Variants in PMS1 observed in about 807,000 individuals in gnomAD.
The protein encoded by PMS1 is PMS1 protein homolog 1.
PMS1 carries 79 observed loss-of-function variants against 93.1 expected under a neutral mutation model. The observed-to-expected ratio is 0.85, with a 90% CI of 0.71 to 1.02. PMS1 has a LOEUF of 1.02. Among genes scored for constraint, PMS1 ranks in the 50% least tolerant of loss-of-function variants. PMS1 has a pLI of 0.00. For missense variants in PMS1, 1,064 were observed against 1,085.3 expected (o/e 0.98, Z 0.28); for synonymous variants, 335 against 363.4 (o/e 0.92, Z 0.89).
At chr2:189,810,975 A>C (rs2050788584) in intron 4 of PMS1, among the ~76,000 whole-genome samples, 1 of 146,626 alleles carries the variant, frequency 6.8e-6, no homozygotes, top group African/African-American at 2.7e-5. Context: ...GTTTGAATTA[A>C]CAGACAAAAA....
intron 6 of PMS1, among the ~76,000 whole-genome samples, chr2:189,849,686 C>G (rs776379379): frequency 2.6e-5 from 4 of 152,022 alleles, no homozygotes; most frequent in Non-Finnish European, 5.9e-5. Context: ...AGATAATTCA[C>G]TCGCCAGCCC....
intron 1 of PMS1, among the ~76,000 whole-genome samples, chr2:189,789,808 A>AT (rs1358198453): frequency 1.3e-5 from 2 of 151,458 alleles, no homozygotes; most frequent in African/African-American, 4.8e-5. Flanking sequence ...CCCAGCCCCC[A>AT]TTTTTTTTGG....
rs369507704 is a variant in PMS1, at chr2:189,792,048, T to C, written c.132+107T>C. 2.1e-4 allele frequency: 204 copies of C among 982,178 alleles called. 1 individual carries two copies. The East Asian group carries it at 4.1e-3, about 20-fold the overall frequency. The allele number at this position is 982,178 out of a possible 1,614,324, so 60.8% of individuals were successfully genotyped here. ...TATTTTATTTCTTTACACCAATAAA[T>C]TATTCTTAGGACATTGGACCCTTTG... On this transcript the variant is annotated intron_variant, in intron 2 of 12. Transcript: ENST00000441310.
At chr2:189,844,654 A>AAAAAC (rs1370617656) in intron 6 of PMS1, among the ~76,000 whole-genome samples, 1 of 151,144 alleles carries the variant, frequency 6.6e-6, no homozygotes, top group African/African-American at 2.4e-5. Context: ...AAAAAAAAAA[A>AAAAAC]AAAAAAAAAC....
intron 5 of PMS1, among the ~76,000 whole-genome samples, chr2:189,842,125 A>C (rs186740462): frequency 2.5e-4 from 38 of 151,468 alleles, no homozygotes; most frequent in African/African-American, 9.2e-4. Context: ...AATTGGTTCC[A>C]TTTACTTCTC....
At chr2:189,816,948 C>A (rs2051358503) in intron 4 of PMS1, among the ~76,000 whole-genome samples, 1 of 145,944 alleles carries the variant, frequency 6.9e-6, no homozygotes, top group African/African-American at 2.8e-5. Flanking sequence ...CTAGTTTATT[C>A]TATCTTTTTA....
intron 4 of PMS1, among the ~76,000 whole-genome samples, chr2:189,815,385 T>C (rs2051204108): frequency 6.6e-6 from 1 of 152,170 alleles, no homozygotes; most frequent in Non-Finnish European, 1.5e-5. Flanking sequence ...TCTCCATGTG[T>C]TGAGGGAGGG....
At chr2:189,832,692 C>G (rs1404330326) in intron 5 of PMS1, among the ~76,000 whole-genome samples, 2 of 152,104 alleles carry the variant, frequency 1.3e-5, no homozygotes, top group African/African-American at 4.8e-5. Context: ...GTCTTGATCT[C>G]CTGACCGTGT....
chr2:189,868,048 G>A (rs543129963), intron 11 of PMS1, 119 bp downstream of exon 11: 269 of 849,656 alleles, frequency 3.2e-4, no homozygotes, highest in Non-Finnish European at 5.0e-4. Context: ...TATAAGTACA[G>A]TGTCAGCTAT....
In PMS1 at chr2:189,809,447, C is replaced by CTTTTTTTTTTTTT. The variant is rs972672920; in HGVS notation, c.418+3708_418+3720dup. On this transcript the variant is annotated intron_variant, in intron 4 of 12. Coordinates refer to ENST00000441310, the MANE Select transcript of PMS1 (RefSeq NM_000534.5). ...TTGGTGCTTTTAAGGAAGCACATTTCTTTTTTTTTTTTTTTTTTTTTTTTT... is the reference window on the plus strand; with the variant it reads ...TTGGTGCTTTTAAGGAAGCACATTTCTTTTTTTTTTTTTTTTTTTTTTTTTTTTTTTTTTTTTT... Among the ~76,000 whole-genome samples the CTTTTTTTTTTTTT allele has an allele frequency of 2.1e-3, 133 of 63,454 alleles. 14 individuals carry two copies. The highest frequency in any genetic ancestry group is 3.7e-3 in the African/African-American group (67 of 18,116). 41.6% of individuals were successfully genotyped at this position (63,454 alleles called of 152,430 possible). A position where few individuals can be genotyped will look rare whatever the true frequency, so the allele number is the denominator to read the frequency against.
Position 189,854,724 on chromosome 2 carries a change from A to G in PMS1, c.1452A>G (p.Glu484=), listed in dbSNP as rs766081471. 1 of 1,613,984 alleles carries G rather than the reference A, an allele frequency of 6.2e-7. No individual in the cohort carries two copies. The change falls in exon 9 of 13, where the codon GAA becomes GAG. Residue 484 remains glutamate (E), a synonymous_variant. Coordinates refer to ENST00000441310, the MANE Select transcript of PMS1 (RefSeq NM_000534.5). ...ATGAGAGTGGGGAAAATGAGGAAGAAGCAGGTCTTGAAAACTCTTCGGAAA... is the reference window on the plus strand; with the variant it reads ...ATGAGAGTGGGGAAAATGAGGAAGAGGCAGGTCTTGAAAACTCTTCGGAAA... ...HIDESGENEE[E]AGLENSSEIS... is the part of the protein sequence containing the mutation.
At chr2:189,810,895 T>C (rs762045775) in intron 4 of PMS1, among the ~76,000 whole-genome samples, 1 of 151,108 alleles carries the variant, frequency 6.6e-6, no homozygotes, top group African/African-American at 2.4e-5. Flanking sequence ...TTGAGAGACT[T>C]GAGGAGAGGA....
chr2:189,858,773 T>G (rs1460063523), intron 9 of PMS1, among the ~76,000 whole-genome samples: 1 of 152,144 alleles, frequency 6.6e-6, no homozygotes, highest in African/African-American at 2.4e-5. Context: ...AAAATAACTT[T>G]AAAATTGTGA....
chr2:189,825,055 CAT>C (rs902279384), intron 5 of PMS1, among the ~76,000 whole-genome samples: 2 of 152,046 alleles, frequency 1.3e-5, no homozygotes, highest in Admixed American at 1.3e-4. Context: ...GACAAACAAT[CAT>C]ATTGCGCATA....
At chr2:189,810,195 TAAG>T (rs988203632) in intron 4 of PMS1, among the ~76,000 whole-genome samples, 5 of 152,158 alleles carry the variant, frequency 3.3e-5, no homozygotes, top group African/African-American at 1.2e-4. Flanking sequence ...AGATGATAGA[TAAG>T]AAGACATGGA....
chr2:189,867,166 C>T (rs1377196311), intron 10 of PMS1, among the ~76,000 whole-genome samples: 2 of 152,136 alleles, frequency 1.3e-5, no homozygotes, highest in South Asian at 2.1e-4. Flanking sequence ...ACATCAACCC[C>T]GACAGACACC....
intron 5 of PMS1, among the ~76,000 whole-genome samples, chr2:189,830,553 T>C (rs974229830): frequency 6.6e-6 from 1 of 152,236 alleles, no homozygotes; most frequent in Non-Finnish European, 1.5e-5. Context: ...ATGCTATATA[T>C]TTTATTTGTC....
At chr2:189,826,845 TTAGG>T (rs1195166152) in intron 5 of PMS1, among the ~76,000 whole-genome samples, 3 of 152,210 alleles carry the variant, frequency 2.0e-5, no homozygotes, top group Admixed American at 1.3e-4. Flanking sequence ...ATTAAATTAA[TTAGG>T]TAGTGTTAAA....
intron 6 of PMS1, among the ~76,000 whole-genome samples, chr2:189,845,478 T>G (rs952913947): frequency 1.6e-4 from 24 of 152,176 alleles, no homozygotes; most frequent in African/African-American, 5.8e-4. Flanking sequence ...AAAAGTTTTT[T>G]TTTAATGAAA....
Sources: allele counts gnomAD v4.1 joint callset (sites outside exome capture counted in the v4.1 genomes callset), GRCh38; gene constraint gnomAD v4.1.1; transcripts MANE v1.5; gene names NCBI Gene and HGNC (gene_info 2026-07-23, HGNC 2026-07-21).